Variants in SLC1A1 observed in about 807,000 individuals in gnomAD.
SLC1A1 encodes solute carrier family 1 member 1.
A neutral mutation model predicts 53.3 loss-of-function variants in SLC1A1; 43 were observed. That is an observed-to-expected ratio of 0.81 (90% confidence interval 0.63 to 1.04). SLC1A1 has a LOEUF of 1.04. SLC1A1 is among the 50% of genes least tolerant of loss of function. The pLI is 0.00. For missense variants in SLC1A1, 748 were observed against 664.9 expected (o/e 1.12, Z -1.37); for synonymous variants, 307 against 243.2 (o/e 1.26, Z -2.44).
chr9:4,517,966 G>C (rs965188590), intron 1 of SLC1A1, among the ~76,000 whole-genome samples: 14 of 152,036 alleles, frequency 9.2e-5, no homozygotes, highest in African/African-American at 3.1e-4. Flanking sequence ...GGTGGCTCAC[G>C]CCTGTAATCC....
rs746899229 is a variant in SLC1A1, at chr9:4,490,690, C to G, written c.11C>G (p.Pro4Arg). Residue 4 changes from proline to arginine, a missense_variant, in exon 1 of 12, where the codon CCG becomes CGG. Coordinates refer to ENST00000262352, the MANE Select transcript of SLC1A1 (RefSeq NM_004170.6). MGKPARKGCEWKRF... is the reference protein window; with the variant it reads MGKRARKGCEWKRF... ...ATAGCGGCGACAGCCATGGGGAAAC[C>G]GGCGAGGAAAGGATGCGAGTGGAAG... 6 of 1,612,558 alleles carry G rather than the reference C, an allele frequency of 3.7e-6. No homozygotes were observed. In the African/African-American group the frequency reaches 5.3e-5, roughly 14 times the overall value.
chr9:4,577,742 C>A (rs539261743), intron 10 of SLC1A1, among the ~76,000 whole-genome samples: 11 of 152,210 alleles, frequency 7.2e-5, no homozygotes, highest in African/African-American at 2.6e-4. Context: ...CCCAAAGTGC[C>A]GGGATTATAG....
At chr9:4,506,172 G>T (rs1007820258) in intron 1 of SLC1A1, among the ~76,000 whole-genome samples, 6 of 151,978 alleles carry the variant, frequency 3.9e-5, no homozygotes, top group African/African-American at 1.5e-4. Flanking sequence ...AGCCAGGCTG[G>T]TCTAGAACTC....
At position 4,574,906 on chromosome 9, in the gene SLC1A1, A is replaced by G. The variant is rs548929716; in HGVS notation, c.875+892A>G. Among the ~76,000 whole-genome samples, 6 of 152,310 alleles carry G rather than the reference A, an allele frequency of 3.9e-5. No homozygotes were observed. In the South Asian group the frequency reaches 1.2e-3, roughly 32 times the overall value. ...AAAACACAGCCCTGCCAGCCAACACAGAGGCAGATTTGGTCCCTACAGTGT... is the reference window on the plus strand; with the variant it reads ...AAAACACAGCCCTGCCAGCCAACACGGAGGCAGATTTGGTCCCTACAGTGT... On this transcript the variant is annotated intron_variant, in intron 8 of 11. Coordinates refer to ENST00000262352, the MANE Select transcript of SLC1A1 (RefSeq NM_004170.6).
chr9:4,563,126 G>GA (rs137922857), intron 3 of SLC1A1, among the ~76,000 whole-genome samples: 6,241 of 102,734 alleles, frequency 0.061, 485 homozygotes, highest in African/African-American at 0.18. Context: ...AATAATAAAA[G>GA]AAAAAAAAAG....
At chr9:4,563,240 G>A (rs553538875) in intron 3 of SLC1A1, among the ~76,000 whole-genome samples, 9 of 152,168 alleles carry the variant, frequency 5.9e-5, no homozygotes, top group African/African-American at 1.4e-4. Flanking sequence ...CTGCTTCAAT[G>A]AGCTGATAAG....
At chr9:4,500,491 A>G (rs1820595957) in intron 1 of SLC1A1, among the ~76,000 whole-genome samples, 1 of 152,152 alleles carries the variant, frequency 6.6e-6, no homozygotes, top group Non-Finnish European at 1.5e-5. Flanking sequence ...CTATATGTTT[A>G]GTAGAGACGG....
chr9:4,560,072 A>AAT (rs1439976989), intron 2 of SLC1A1: 1 of 152,204 alleles, frequency 6.6e-6, no homozygotes, highest in Admixed American at 6.5e-5. Flanking sequence ...GAGATCTAAC[A>AAT]ATATGATCGT....
chr9:4,510,874 G>A (rs1269130618), intron 1 of SLC1A1, among the ~76,000 whole-genome samples: 1 of 152,156 alleles, frequency 6.6e-6, no homozygotes, highest in Non-Finnish European at 1.5e-5. Context: ...CAAGCTTCTG[G>A]ACTACTTAGG....
intron 1 of SLC1A1, among the ~76,000 whole-genome samples, chr9:4,537,819 T>C (rs1586726041): frequency 6.6e-6 from 1 of 151,538 alleles, no homozygotes; most frequent in Non-Finnish European, 1.5e-5. Context: ...TTTGGGGGGG[T>C]AATGGAAATA....
intron 1 of SLC1A1, among the ~76,000 whole-genome samples, chr9:4,529,143 T>G (rs1037514361): frequency 6.6e-6 from 1 of 152,170 alleles, no homozygotes; most frequent in Non-Finnish European, 1.5e-5. Flanking sequence ...AGCAGCCACT[T>G]ACAGGATTCG....
chr9:4,552,015 G>C (rs112177399), intron 2 of SLC1A1, among the ~76,000 whole-genome samples: 1 of 152,326 alleles, frequency 6.6e-6, no homozygotes, highest in African/African-American at 2.4e-5. Context: ...AGTCTTTCCT[G>C]AGACAGTGAA....
chr9:4,564,535 G>T lies in SLC1A1; in HGVS notation c.440+77G>T. ...GGCCTTGTATGTGGTTTAATATTCT[G>T]CTGTTACTGTATTGAAATTTTTAAT... On this transcript the variant is annotated intron_variant, in intron 4 of 11. Coordinates refer to ENST00000262352, the MANE Select transcript of SLC1A1 (RefSeq NM_004170.6). 3.6e-6 allele frequency: 3 copies of T among 844,628 alleles called. No individual in the cohort carries two copies. In the South Asian group the frequency reaches 4.3e-5, roughly 12 times the overall value. The allele number at this position is 844,628 out of a possible 1,614,324, so 52.3% of individuals were successfully genotyped here.
intron 3 of SLC1A1, among the ~76,000 whole-genome samples, chr9:4,563,668 G>C (rs1819199559): frequency 6.6e-6 from 1 of 152,080 alleles, no homozygotes; most frequent in Non-Finnish European, 1.5e-5. Context: ...CTCCCATCTT[G>C]GCTTGGATAC....
At chr9:4,505,658 G>T (rs1023224859) in intron 1 of SLC1A1, among the ~76,000 whole-genome samples, 1 of 151,858 alleles carries the variant, frequency 6.6e-6, no homozygotes, top group Admixed American at 6.6e-5. Flanking sequence ...TGTTGTTGTT[G>T]TTTTTCTTTT....
At chr9:4,563,643 G>C (rs1355518789) in intron 3 of SLC1A1, among the ~76,000 whole-genome samples, 1 of 152,060 alleles carries the variant, frequency 6.6e-6, no homozygotes, top group Admixed American at 6.6e-5. Flanking sequence ...CCAATGTCTT[G>C]GTCTCTTCTA....
chr9:4,567,896 T>G (rs977687215), intron 6 of SLC1A1, 129 bp downstream of exon 6: 1 of 723,944 alleles, frequency 1.4e-6, no homozygotes, highest in East Asian at 2.7e-5. Context: ...CTAAAATTTA[T>G]GTGTGACCCC....
Position 4,572,291 on chromosome 9 carries a change from C to G in SLC1A1, c.670C>G (p.Leu224Val). The change falls in exon 7 of 12, where the codon CTT becomes GTT. Residue 224 changes from leucine (L) to valine (V), a missense_variant. Physicochemically the swap from Leu to Val is conservative, Grantham distance 32 (BLOSUM62 1). Transcript: ENST00000262352. ...GLIVFCLVFG[L>V]VIGKMGEKGQ... Reference sequence around the variant, plus strand: ...GATTGTCTTTTGCCTTGTCTTTGGACTTGTCATTGGAAAAATGGGAGAAAA... The same window carrying G: ...GATTGTCTTTTGCCTTGTCTTTGGAGTTGTCATTGGAAAAATGGGAGAAAA... 1.2e-6 allele frequency: 2 copies of G among 1,613,972 alleles called. No individual in the cohort carries two copies. The highest frequency in any genetic ancestry group is 2.7e-5 in the African/African-American group (2 of 74,998).
rs766331234 is a variant in SLC1A1, at chr9:4,572,376, A to G, written c.755A>G (p.Gln252Arg). 3 of 1,613,836 alleles carry G rather than the reference A, an allele frequency of 1.9e-6. No homozygotes were observed. Among genetic ancestry groups the G allele is most frequent in the East Asian group, 2.2e-5 (1 of 44,878 alleles). Residue 252 changes from glutamine to arginine, a missense_variant, in exon 7 of 12, where the codon CAG becomes CGG. Transcript: ENST00000262352. The stretch of plus-strand genomic sequence containing the variant: ...AGTGATGCAACCATGAAAATCGTTC[A>G]GATCATCATGTGGTGAGCAGACACT... ...ALSDATMKIV[Q>R]IIMCYMPLGI...
Sources: gnomAD v4.1 joint callset for allele counts (sites outside exome capture counted in the v4.1 genomes callset) on GRCh38, gnomAD v4.1.1 for gene constraint, MANE v1.5 for transcripts, NCBI Gene and HGNC (gene_info 2026-07-23, HGNC 2026-07-21) for gene names.